LRRC28: variants seen among roughly 807,000 people sequenced by gnomAD.
LRRC28 encodes leucine rich repeat containing 28, also known as leucine-rich repeat-containing protein 28.
A neutral mutation model predicts 45.7 loss-of-function variants in LRRC28; 39 were observed. That is an observed-to-expected ratio of 0.85 (90% CI 0.66 to 1.12). LRRC28 has a LOEUF of 1.12. Among genes scored for constraint, LRRC28 ranks in the 50% most tolerant of loss-of-function variants. The pLI is 0.00. For synonymous variants in LRRC28, 206 were observed against 178.8 expected (o/e 1.15, Z -1.22); for missense variants, 435 against 438.5 (o/e 0.99, Z 0.07).
chr15:99,361,240 A>G, intron 7 of LRRC28, 96 bp from the exon 8 acceptor site: 1 of 1,411,020 alleles, frequency 7.1e-7, no homozygotes, highest in Non-Finnish European at 9.5e-7. Context: ...GCAGTGTCAT[A>G]AATTTTCAAA....
intron 5 of LRRC28, among the ~76,000 whole-genome samples, chr15:99,324,348 C>G (rs1955898645): frequency 6.6e-6 from 1 of 152,144 alleles, no homozygotes; most frequent in Non-Finnish European, 1.5e-5. Flanking sequence ...GTAACTGAAA[C>G]CTCAGAAAGC....
Position 99,283,277 on chromosome 15 carries a change from G to C in LRRC28, c.210-3980G>C, listed in dbSNP as rs2152197877. On this transcript the variant is annotated intron_variant, in intron 3 of 9. Transcript: ENST00000301981. ...TATAAACATAGTATGGGTCATACTG[G>C]TGTACCCCTTACCCAGTTTGTCCTG... Among the ~76,000 whole-genome samples, 3 of 151,632 alleles carry C rather than the reference G, an allele frequency of 2.0e-5. No homozygotes were observed. The South Asian group carries it at 6.3e-4, about 32-fold the overall frequency.
At position 99,334,134 on chromosome 15, in the gene LRRC28, G is replaced by C. The variant is rs199857586; in HGVS notation, c.592+5G>C. On this transcript the variant is annotated splice_donor_5th_base_variant and intron_variant, in intron 6 of 9. Coordinates refer to ENST00000301981, the MANE Select transcript of LRRC28 (RefSeq NM_144598.5). ...GTCTTGCATTTTTGCCACTTGGTAA[G>C]TGATTGTGTTTAAAGTAAAGCAGCC... The C allele has an allele frequency of 7.4e-6, 12 of 1,614,076 alleles. No individual in the cohort carries two copies. Among genetic ancestry groups the C allele is most frequent in the Non-Finnish European group, 1.0e-5 (12 of 1,179,944 alleles).
intron 2 of LRRC28, among the ~76,000 whole-genome samples, chr15:99,267,711 T>A (rs1398683036): frequency 6.6e-6 from 1 of 152,256 alleles, no homozygotes; most frequent in Non-Finnish European, 1.5e-5. Context: ...TATCCTGTCT[T>A]CATAATACAC....
At chr15:99,348,353 A>T (rs143668138) in intron 6 of LRRC28, among the ~76,000 whole-genome samples, 1 of 152,132 alleles carries the variant, frequency 6.6e-6, no homozygotes, top group Non-Finnish European at 1.5e-5. Context: ...GCCAAGTCCA[A>T]TGTCAAGGAG....
intron 5 of LRRC28, among the ~76,000 whole-genome samples, chr15:99,318,948 A>G (rs1015680834): frequency 1.3e-5 from 2 of 152,126 alleles, no homozygotes; most frequent in Non-Finnish European, 2.9e-5. Context: ...GGAGTGAATC[A>G]GTTTGGTAAT....
intron 5 of LRRC28, among the ~76,000 whole-genome samples, chr15:99,332,282 G>A (rs1487392548): frequency 6.6e-6 from 1 of 152,120 alleles, no homozygotes; most frequent in Non-Finnish European, 1.5e-5. Flanking sequence ...TTAAGTTCAA[G>A]TAGAAAACTC....
At chr15:99,264,388 G>A (rs1238902936) in intron 2 of LRRC28, among the ~76,000 whole-genome samples, 2 of 152,212 alleles carry the variant, frequency 1.3e-5, no homozygotes, top group Non-Finnish European at 2.9e-5. Context: ...CAAAAGCGGG[G>A]AGTGGGGGGT....
chr15:99,301,294 T>C (rs1402234000), intron 5 of LRRC28, among the ~76,000 whole-genome samples: 2 of 152,226 alleles, frequency 1.3e-5, no homozygotes, highest in Admixed American at 6.5e-5. Flanking sequence ...ACCTTTTTCT[T>C]TTGAGACTCT....
intron 2 of LRRC28, among the ~76,000 whole-genome samples, chr15:99,267,864 C>G (rs902103081): frequency 5.9e-5 from 9 of 152,110 alleles, no homozygotes; most frequent in Admixed American, 2.6e-4. Context: ...GAAACTCAAG[C>G]CTCTCACATG....
At chr15:99,345,214 C>T (rs1440421035) in intron 6 of LRRC28, among the ~76,000 whole-genome samples, 2 of 151,834 alleles carry the variant, frequency 1.3e-5, no homozygotes, top group Non-Finnish European at 2.9e-5. Context: ...CAAGACTGTG[C>T]TCCTGCTCTC....
chr15:99,268,471 G>A lies in LRRC28; in HGVS notation c.169-8105G>A, dbSNP rs79057123. Among the ~76,000 whole-genome samples, 11 of 152,134 alleles carry A rather than the reference G, an allele frequency of 7.2e-5. No homozygotes were observed. In the East Asian group the frequency reaches 1.9e-3, roughly 27 times the overall value. ...CGAAGGGTGTTATTTGCAAGCAAAA[G>A]ACTCAAAACCATTGGTGTATGTATG... On this transcript the variant is annotated intron_variant, in intron 2 of 9. Coordinates refer to ENST00000301981, the MANE Select transcript of LRRC28 (RefSeq NM_144598.5).
At chr15:99,349,276 A>G (rs1424365019) in intron 6 of LRRC28, among the ~76,000 whole-genome samples, 1 of 152,098 alleles carries the variant, frequency 6.6e-6, no homozygotes, top group Non-Finnish European at 1.5e-5. Context: ...AATTGTTTTT[A>G]TCTTCTAGTC....
chr15:99,293,650 C>T (rs890371685), intron 5 of LRRC28, among the ~76,000 whole-genome samples: 1 of 113,248 alleles, frequency 8.8e-6, no homozygotes, highest in Admixed American at 1.0e-4. Context: ...CAATATTTAC[C>T]TGAATATTCA....
chr15:99,312,186 C>T (rs1955438066), intron 5 of LRRC28, among the ~76,000 whole-genome samples: 1 of 152,226 alleles, frequency 6.6e-6, no homozygotes, highest in Non-Finnish European at 1.5e-5. Context: ...AGTACACTTA[C>T]ATAAACCTAG....
intron 5 of LRRC28, among the ~76,000 whole-genome samples, chr15:99,330,079 A>T (rs1956112133): frequency 6.6e-6 from 1 of 152,132 alleles, no homozygotes; most frequent in African/African-American, 2.4e-5. Context: ...TGTCTTTTTT[A>T]AAAAAGGAAT....
intron 5 of LRRC28, among the ~76,000 whole-genome samples, chr15:99,299,885 A>C (rs2082353643): frequency 6.6e-6 from 1 of 152,226 alleles, no homozygotes; most frequent in Non-Finnish European, 1.5e-5. Context: ...ACTGGCTGTG[A>C]AAGTGAGGAA....
intron 6 of LRRC28, among the ~76,000 whole-genome samples, chr15:99,337,472 A>G (rs1433347214): frequency 6.6e-6 from 1 of 152,244 alleles, no homozygotes; most frequent in Non-Finnish European, 1.5e-5. Context: ...CATTTTCTGC[A>G]TGCACCATGC....
chr15:99,353,111 G>A (rs944552909), intron 7 of LRRC28, among the ~76,000 whole-genome samples: 2 of 152,020 alleles, frequency 1.3e-5, no homozygotes, highest in African/African-American at 2.4e-5. Context: ...CTTCTACAAC[G>A]CTGGCACAGA....
Sources: allele counts gnomAD v4.1 joint callset (sites outside exome capture counted in the v4.1 genomes callset), GRCh38; gene constraint gnomAD v4.1.1; transcripts MANE v1.5; gene names NCBI Gene and HGNC (gene_info 2026-07-23, HGNC 2026-07-21).